Variants in CFAP46 observed in about 807,000 individuals in gnomAD.
The protein encoded by CFAP46 is cilia and flagella associated protein 46.
A neutral mutation model predicts 325.7 loss-of-function variants in CFAP46; 245 were observed. The observed-to-expected ratio is 0.75, with a 90% CI of 0.68 to 0.84. CFAP46 has a LOEUF of 0.84. Among genes scored for constraint, CFAP46 ranks in the 40% least tolerant of loss-of-function variants. The pLI is 0.00. For synonymous variants in CFAP46, 1,523 were observed against 1,495.9 expected, an observed-to-expected ratio of 1.02 and a Z score of -0.42; for missense variants, 3,346 against 3,543.0, an observed-to-expected ratio of 0.94 and a Z score of 1.41.
At chr10:132,905,155 T>C (rs1849439113) in intron 22 of CFAP46, among the ~76,000 whole-genome samples, 1 of 130,882 alleles carries the variant, frequency 7.6e-6, no homozygotes, top group Non-Finnish European at 1.7e-5. Context: ...TTTGTCAAAA[T>C]GCTTCTTTCT....
intron 34 of CFAP46, 105 bp downstream of exon 34, chr10:132,867,268 GAC>G (rs929172203): frequency 1.5e-6 from 2 of 1,370,276 alleles, no homozygotes; most frequent in Non-Finnish European, 2.0e-6. Context: ...CTCACACACT[GAC>G]ACACACACAG....
Position 132,847,106 on chromosome 10 carries a change from C to A in CFAP46, c.6093G>T (p.Arg2031Ser), listed in dbSNP as rs765566746. The change falls in exon 43 of 58, where the codon AGG (arginine) becomes AGT (serine). Residue 2031 changes from arginine to serine, a missense_variant. Coordinates refer to ENST00000368586, the MANE Select transcript of CFAP46 (RefSeq NM_001200049.3). The surrounding 1 kb of genome is among the most constrained non-coding windows in gnomAD (Gnocchi z 5.2). Reference protein sequence around the residue: ...HCRRGEDLKRRMVLAQQYLAQ... With the variant: ...HCRRGEDLKRSMVLAQQYLAQ... ...CCAGGTACTGCTGGGCCAGAACCAT[C>A]CTCCTCTGTGGGGCACAAGGCTCAG... 21 of 1,610,508 alleles carry A rather than the reference C, an allele frequency of 1.3e-5. No homozygotes were observed. In the South Asian group the frequency reaches 2.2e-4, roughly 17 times the overall value.
rs188854993 is a variant in CFAP46, at chr10:132,889,775, G to A, written c.3304+2558C>T. On this transcript the variant is annotated intron_variant, in intron 25 of 57. Transcript: ENST00000368586. The surrounding 1 kb of genome is among the most constrained non-coding windows in gnomAD (Gnocchi z 6.0). ...TGGTGCCTCCGGGTGGGTGAGGGCC[G>A]TGGACTGTGCATGAGGAGGAATGTG... 1.9e-3 allele frequency among the ~76,000 whole-genome samples: 291 copies of A among 152,298 alleles called. 1 individual carries two copies. The highest frequency in any genetic ancestry group is 2.9e-3 in the Non-Finnish European group (197 of 68,028).
chr10:132,928,811 C>T (rs1472258141), intron 9 of CFAP46, among the ~76,000 whole-genome samples: 1 of 152,228 alleles, frequency 6.6e-6, no homozygotes, highest in Non-Finnish European at 1.5e-5. Context: ...GAGCCTGTCA[C>T]AGTTCCTGAA....
In CFAP46 at chr10:132,929,553, AAC is replaced by A. The variant is rs763831998; in HGVS notation, c.966+150_966+151del. On this transcript the variant is annotated intron_variant, in intron 9 of 57. Coordinates refer to ENST00000368586, the MANE Select transcript of CFAP46 (RefSeq NM_001200049.3). ...ACACCATCTAACTGCAACTGTGCAA[AAC>A]ACAGGTAGGAAAGACGGCAATGTGC... 4.9e-6 allele frequency: 4 copies of A among 813,132 alleles called. No homozygotes were observed. The South Asian group carries it at 5.3e-5, about 11-fold the overall frequency. The allele number at this position is 813,132 out of a possible 1,614,324, so 50.4% of individuals were successfully genotyped here. A position where few individuals can be genotyped will look rare whatever the true frequency, so the allele number is the denominator to read the frequency against.
At chr10:132,902,646 C>A (rs1031828370) in intron 22 of CFAP46, among the ~76,000 whole-genome samples, 4 of 152,198 alleles carry the variant, frequency 2.6e-5, no homozygotes, top group African/African-American at 9.7e-5. Flanking sequence ...CTATTCTACT[C>A]TTTTCTTCCT....
At chr10:132,885,044 T>C (rs1591071282) in intron 27 of CFAP46, 59 bp downstream of exon 27, 1 of 1,490,466 alleles carries the variant, frequency 6.7e-7, no homozygotes. Flanking sequence ...GTCCACACGG[T>C]TCTCCCTTTC....
intron 7 of CFAP46, among the ~76,000 whole-genome samples, chr10:132,935,385 C>A (rs1849978876): frequency 1.4e-5 from 2 of 145,086 alleles, no homozygotes; most frequent in Admixed American, 1.4e-4. Flanking sequence ...ACACTGTGAT[C>A]TCCTCACTCC....
chr10:132,928,092 G>C (rs935165247), intron 9 of CFAP46, among the ~76,000 whole-genome samples: 2 of 151,878 alleles, frequency 1.3e-5, no homozygotes, highest in Non-Finnish European at 2.9e-5. Flanking sequence ...CCCTAACAGC[G>C]ACCCCACGTC....
At position 132,942,424 on chromosome 10, in the gene CFAP46, G is replaced by A. The variant is rs1434108421; in HGVS notation, c.49+12C>T. Reference sequence around the variant, plus strand: ...CTCCCCGGGGCGGGGGTCGTGGCGGGCCTGGGGTCACCTTGCTGGCTCTCG... The same window carrying A: ...CTCCCCGGGGCGGGGGTCGTGGCGGACCTGGGGTCACCTTGCTGGCTCTCG... On this transcript the variant is annotated intron_variant, in intron 1 of 57. Transcript: ENST00000368586. 4 of 1,356,408 alleles carry A rather than the reference G, an allele frequency of 2.9e-6. No individual in the cohort carries two copies. Among genetic ancestry groups the A allele is most frequent in the East Asian group, 5.9e-5 (2 of 34,000 alleles). The allele number at this position is 1,356,408 out of a possible 1,614,324, so 84.0% of individuals were successfully genotyped here.
At chr10:132,907,178 A>C (rs1849469039) in intron 22 of CFAP46, among the ~76,000 whole-genome samples, 1 of 152,286 alleles carries the variant, frequency 6.6e-6, no homozygotes, top group South Asian at 2.1e-4. Flanking sequence ...ATTTGGCCAC[A>C]GAAAACATCG....
In CFAP46 at chr10:132,869,172, G is replaced by A. The variant is rs766134435; in HGVS notation, c.4610+102C>T. The A allele has an allele frequency of 4.3e-6, 4 of 926,186 alleles. No homozygotes were observed. The highest frequency in any genetic ancestry group is 6.2e-6 in the Non-Finnish European group (4 of 642,656). 57.4% of individuals were successfully genotyped at this position (926,186 alleles called of 1,614,324 possible). On this transcript the variant is annotated intron_variant, in intron 33 of 57. Coordinates refer to ENST00000368586, the MANE Select transcript of CFAP46 (RefSeq NM_001200049.3). This position sits in a 1 kb window ranked among gnomAD's most constrained non-coding sequence, Gnocchi z 6.2. ...CCAAGTGCTCACTCTCCCCAGAGGG[G>A]CAGGAGTCCAGGGAAGAGGGTGGCC...
Position 132,838,053 on chromosome 10 carries a change from T to A in CFAP46, c.6439-1139A>T, listed in dbSNP as rs138030185. On this transcript the variant is annotated intron_variant, in intron 44 of 57. Transcript: ENST00000368586. ...CCATGCTCCCCTGGGGAAGGCCCTC[T>A]CTTCCTGGCCTTAGGCCCCTGGGAT... Among the ~76,000 whole-genome samples, 725 of 151,924 alleles carry A rather than the reference T, an allele frequency of 4.8e-3. 4 individuals carry two copies. The highest frequency in any genetic ancestry group is 0.017 in the African/African-American group (697 of 41,368).
intron 57 of CFAP46, among the ~76,000 whole-genome samples, chr10:132,809,994 CA>C (rs1847545574): frequency 6.6e-6 from 1 of 152,230 alleles, no homozygotes; most frequent in African/African-American, 2.4e-5. Flanking sequence ...CACTGTGGTG[CA>C]AGCTGTCGGC....
chr10:132,884,401 C>G lies in CFAP46; in HGVS notation c.3627+702G>C, dbSNP rs71481963. ...GGACCCCAGAACAATCCAAAGGCCT[C>G]GGGGCAGGATTGCTCTGAGCCGGAG... is the stretch of plus-strand genomic sequence containing the variant. On this transcript the variant is annotated intron_variant, in intron 27 of 57. Coordinates refer to ENST00000368586, the MANE Select transcript of CFAP46 (RefSeq NM_001200049.3). The surrounding 1 kb of genome is among the most constrained non-coding windows in gnomAD (Gnocchi z 5.4). Among the ~76,000 whole-genome samples, 7 of 152,142 alleles carry G rather than the reference C, an allele frequency of 4.6e-5. No individual in the cohort carries two copies. The highest frequency in any genetic ancestry group is 1.0e-4 in the Non-Finnish European group (7 of 68,020).
In CFAP46 at chr10:132,867,432, A is replaced by G. The variant is rs1848832363; in HGVS notation, c.4686T>C (p.Asn1562=). ...PLLEESLPAL[N]EQTLPVQPGE... ...CAGGCTGGACAGGAAGTGTCTGCTC[A>G]TTCAGTGCTGGCAGGCTTTCTTCTA... The change falls in exon 34 of 58, where the codon AAT becomes AAC. Residue 1562 remains asparagine (N), a synonymous_variant. Coordinates refer to ENST00000368586, the MANE Select transcript of CFAP46 (RefSeq NM_001200049.3). The G allele has an allele frequency of 2.6e-6, 4 of 1,550,570 alleles. No individual in the cohort carries two copies. In the East Asian group the frequency reaches 9.8e-5, roughly 38 times the overall value.
rs1848155938 is a variant in CFAP46 at position 132,832,101 on chromosome 10, T to C, written c.7117+1257A>G. ...ATGTTATAAAACCCCATACCATTAT[T>C]ATTGTCTTTTGCTCTAAGCTTTTTG... On this transcript the variant is annotated intron_variant, in intron 50 of 57. Transcript: ENST00000368586. The surrounding 1 kb of genome is among the most constrained non-coding windows in gnomAD (Gnocchi z 4.1). 6.6e-6 allele frequency among the ~76,000 whole-genome samples: 1 copy of C among 152,226 alleles called. No homozygotes were observed. The highest frequency in any genetic ancestry group is 1.5e-5 in the Non-Finnish European group (1 of 68,038).
At chr10:132,895,464 C>T (rs558084883) in intron 24 of CFAP46, among the ~76,000 whole-genome samples, 1 of 152,292 alleles carries the variant, frequency 6.6e-6, no homozygotes, top group Admixed American at 6.5e-5. Flanking sequence ...TGGACAACAA[C>T]AAGAAAGAAC....
chr10:132,824,063 ATGTGTGCTGATGTGTGCAC>A (rs1847969694), intron 50 of CFAP46, among the ~76,000 whole-genome samples: 3 of 82,878 alleles, frequency 3.6e-5, no homozygotes, highest in Non-Finnish European at 6.5e-5. Flanking sequence ...GTGTGTGCTG[ATGTGTGCTGATGTGTGCAC>A]TGTGTGCTGT....
Sources: allele counts gnomAD v4.1 joint callset (sites outside exome capture counted in the v4.1 genomes callset), GRCh38; gene constraint gnomAD v4.1.1; non-coding constraint Gnocchi (gnomAD v3.1); transcripts MANE v1.5; gene names NCBI Gene and HGNC (gene_info 2026-07-23, HGNC 2026-07-21).